Variants in SKA1 observed in about 807,000 individuals in gnomAD.
SKA1 encodes spindle and kinetochore associated complex subunit 1.
Under a neutral mutation model 31.8 loss-of-function variants are expected in SKA1, and 20 were observed. That is an observed-to-expected ratio of 0.63 (90% confidence interval 0.44 to 0.91). The LOEUF is 0.91. SKA1 is among the 40% of genes least tolerant of loss of function. SKA1 has a pLI of 0.00. For missense variants in SKA1, 253 were observed against 298.2 expected (o/e 0.85, Z 1.12); for synonymous variants, 88 against 100.5 (o/e 0.88, Z 0.74).
At chr18:50,381,887 G>A (rs183218554) in intron 3 of SKA1, among the ~76,000 whole-genome samples, 1 of 151,998 alleles carries the variant, frequency 6.6e-6, no homozygotes, top group African/African-American at 2.4e-5. Context: ...CACCACGCCC[G>A]GCTAAATTTT....
At chr18:50,382,329 G>T in intron 4 of SKA1, 103 bp downstream of exon 4, 1 of 641,946 alleles carries the variant, frequency 1.6e-6, no homozygotes, top group South Asian at 2.8e-5. Flanking sequence ...TTTTGTCAGC[G>T]ATGATCTAGT....
chr18:50,380,145 A>T lies in SKA1; in HGVS notation c.108A>T (p.Lys36Asn), dbSNP rs185503405. The change falls in exon 3 of 7, where the codon AAA (lysine) becomes AAT (asparagine). Residue 36 changes from lysine to asparagine, a missense_variant. Transcript: ENST00000285116. ...LRNCGQEPTL[K>N]TVLNKIGDEI... ...TAACAGGCCAGGAACCTACCTTGAA[A>T]ACTGTATTAAATAAAATAGGAGATG... 4 of 1,538,124 alleles carry T rather than the reference A, an allele frequency of 2.6e-6. No homozygotes were observed. Among genetic ancestry groups the T allele is most frequent in the Middle Eastern group, 1.7e-4 (1 of 5,774 alleles).
At chr18:50,382,771 G>A (rs895846686) in intron 4 of SKA1, among the ~76,000 whole-genome samples, 6 of 152,234 alleles carry the variant, frequency 3.9e-5, no homozygotes, top group Admixed American at 3.3e-4. Flanking sequence ...AGTGGCTCAC[G>A]CCTATAATCC....
chr18:50,385,751 A>AT (rs149371033), intron 5 of SKA1, among the ~76,000 whole-genome samples: 5,667 of 152,286 alleles, frequency 0.037, 332 homozygotes, highest in African/African-American at 0.12. Flanking sequence ...AGCCTGTGCT[A>AT]TATTCCAGGC....
At chr18:50,385,816 G>A (rs553206124) in intron 5 of SKA1, among the ~76,000 whole-genome samples, 1 of 152,196 alleles carries the variant, frequency 6.6e-6, no homozygotes, top group Non-Finnish European at 1.5e-5. Flanking sequence ...CCCCAAAGAG[G>A]GGGGCGGGTC....
chr18:50,375,412 C>T (rs1430618078), intron 1 of SKA1, among the ~76,000 whole-genome samples: 1 of 152,252 alleles, frequency 6.6e-6, no homozygotes, highest in East Asian at 1.9e-4. Context: ...TGTAAAGCCC[C>T]AACCCCTCAC....
chr18:50,391,351 C>T (rs973759635), intron 6 of SKA1, 58 bp downstream of exon 6: 31 of 1,332,794 alleles, frequency 2.3e-5, no homozygotes, highest in East Asian at 5.5e-5. Context: ...AACTAAATCA[C>T]GAGAAATGTA....
chr18:50,383,685 C>CTG (rs1256755237), intron 4 of SKA1, among the ~76,000 whole-genome samples: 5 of 152,200 alleles, frequency 3.3e-5, no homozygotes, highest in Non-Finnish European at 4.4e-5. Context: ...TTCTTCTAAG[C>CTG]TGACTATGGC....
intron 2 of SKA1, among the ~76,000 whole-genome samples, chr18:50,377,349 T>G (rs2041226725): frequency 6.6e-6 from 1 of 152,190 alleles, no homozygotes; most frequent in Non-Finnish European, 1.5e-5. Context: ...ACTGAATCAC[T>G]GTTATGTGGC....
At chr18:50,380,988 A>T (rs1183427531) in intron 3 of SKA1, among the ~76,000 whole-genome samples, 2 of 152,244 alleles carry the variant, frequency 1.3e-5, no homozygotes, top group African/African-American at 4.8e-5. Flanking sequence ...GGGCATGATT[A>T]TGCCTATCAC....
intron 4 of SKA1, 109 bp downstream of exon 4, chr18:50,382,335 C>A (rs2041270146): frequency 3.2e-6 from 2 of 619,706 alleles, no homozygotes; most frequent in Admixed American, 4.0e-5. Context: ...CAGCGATGAT[C>A]TAGTTTTTTG....
chr18:50,389,370 CCTTTCT>C (rs2041337585), intron 5 of SKA1, among the ~76,000 whole-genome samples: 2 of 134,710 alleles, frequency 1.5e-5, no homozygotes, highest in Non-Finnish European at 3.1e-5. Flanking sequence ...ATTTCCTTTA[CCTTTCT>C]TTTTTTTTTT....
chr18:50,385,925 A>G (rs2041303839), intron 5 of SKA1, among the ~76,000 whole-genome samples: 2 of 152,202 alleles, frequency 1.3e-5, no homozygotes, highest in South Asian at 4.1e-4. Context: ...TCTAAGCTTC[A>G]TGTTATGTTA....
In SKA1 at chr18:50,385,224, G is replaced by A. The variant is rs78545242; in HGVS notation, c.320G>A (p.Gly107Glu). 3 of 1,612,568 alleles carry A rather than the reference G, an allele frequency of 1.9e-6. No homozygotes were observed. Among genetic ancestry groups the A allele is most frequent in the Non-Finnish European group, 2.5e-6 (3 of 1,179,460 alleles). Residue 107 changes from glycine to glutamate, a missense_variant, in exon 5 of 7, where the codon GGA (glycine) becomes GAA (glutamate). By Grantham distance (98) the Gly-to-Glu change is moderately conservative. Transcript: ENST00000285116. ...ACATCTGTATTCTGTAGTGTTAAGG[G>A]ATCAGATCTTGATCCTGAAGAACCA... is the stretch of plus-strand genomic sequence containing the variant. ...QVTVTQSCVK[G>E]SDLDPEEPIK... is the part of the protein sequence containing the mutation.
chr18:50,388,532 TGG>T (rs1273663147), intron 5 of SKA1, among the ~76,000 whole-genome samples: 6 of 124,362 alleles, frequency 4.8e-5, no homozygotes, highest in African/African-American at 1.8e-4. Context: ...GGTAAGGTGT[TGG>T]AGAGGAGAAG....
intron 5 of SKA1, among the ~76,000 whole-genome samples, chr18:50,390,111 A>G (rs1568331289): frequency 6.6e-6 from 1 of 152,190 alleles, no homozygotes; most frequent in Non-Finnish European, 1.5e-5. Flanking sequence ...GGAATACATA[A>G]GTGCATTGTG....
intron 6 of SKA1, 122 bp downstream of exon 6, chr18:50,391,415 T>C (rs1266728090): frequency 1.4e-5 from 14 of 994,552 alleles, no homozygotes; most frequent in Non-Finnish European, 1.9e-5. Flanking sequence ...CAGGAGCAGT[T>C]ATCCTACCAG....
In SKA1 at chr18:50,385,343, G is replaced by T. The variant is rs2041298792; in HGVS notation, c.439G>T (p.Gly147Cys). ...MPFITCDEFN[G>C]VPSYMKSRLT... ...ATTTATAACTTGTGATGAGTTCAAT[G>T]GTGTTCCTTCGTAAGTATTTAAGAT... The change falls in exon 5 of 7, where the codon GGT becomes TGT. Residue 147 changes from glycine to cysteine, a missense_variant. Gly to Cys is a radical substitution (Grantham distance 159). Transcript: ENST00000285116. The T allele has an allele frequency of 6.2e-7, 1 of 1,607,106 alleles. No individual in the cohort carries two copies. The highest frequency in any genetic ancestry group is 8.5e-7 in the Non-Finnish European group (1 of 1,177,322).
Position 50,391,123 on chromosome 18 carries a change from G to T in SKA1, c.450-1G>T. On this transcript the variant is annotated splice_acceptor_variant, in intron 5 of 6. Transcript: ENST00000285116. LOFTEE classifies it high-confidence loss of function. The stretch of plus-strand genomic sequence containing the variant: ...ATAATTAGCCATATACTTTTTTACA[G>T]GTACATGAAATCCCGCTTAACCTAT... 6.7e-7 allele frequency: 1 copy of T among 1,501,992 alleles called. No homozygotes were observed. The highest frequency in any genetic ancestry group is 1.8e-4 in the Middle Eastern group (1 of 5,538). The allele number at this position is 1,501,992 out of a possible 1,614,324, so 93.0% of individuals were successfully genotyped here.
Sources: allele counts gnomAD v4.1 joint callset (sites outside exome capture counted in the v4.1 genomes callset), GRCh38; gene constraint gnomAD v4.1.1; transcripts MANE v1.5; gene names NCBI Gene and HGNC (gene_info 2026-07-23, HGNC 2026-07-21).